CDH13: variants seen among roughly 807,000 people sequenced by gnomAD.
CDH13 encodes the protein cadherin 13, also known as cadherin-13.
CDH13 carries 24 observed loss-of-function variants against 63.8 expected under a neutral mutation model. That is an observed-to-expected ratio of 0.38 (90% CI 0.27 to 0.53). The LOEUF (loss-of-function observed/expected upper bound fraction) is 0.53, where lower values mean the gene tolerates loss of function less well. Ranked by LOEUF, CDH13 falls within the 20% of genes least tolerant of loss-of-function variation. The probability of loss-of-function intolerance (pLI) is 0.85; values close to 1 mark genes in which losing one functional copy is unlikely to be tolerated. For missense variants in CDH13, 1,049 were observed against 903.1 expected (o/e 1.16, Z -2.07); for synonymous variants, 503 against 355.3 (o/e 1.42, Z -4.67).
chr16:83,108,191 T>A (rs992941979), intron 3 of CDH13, among the ~76,000 whole-genome samples: 1 of 152,136 alleles, frequency 6.6e-6, no homozygotes, highest in Non-Finnish European at 1.5e-5. Context: ...GGTTGTGAAG[T>A]ATCCGCATGA....
At chr16:83,131,819 A>G (rs976265431) in intron 4 of CDH13, among the ~76,000 whole-genome samples, 23 of 152,242 alleles carry the variant, frequency 1.5e-4, no homozygotes, top group Non-Finnish European at 2.9e-4. Context: ...TTAGAAGGCC[A>G]TCTTTAACCC....
chr16:82,995,519 A>G (rs1912107153), intron 2 of CDH13, among the ~76,000 whole-genome samples: 1 of 152,186 alleles, frequency 6.6e-6, no homozygotes, highest in Non-Finnish European at 1.5e-5. Context: ...TGGCATGGCA[A>G]CAGGATGCAT....
rs61087222 is a variant in CDH13 at position 83,602,131 on chromosome 16, AAAAAAAAAAAAAC to A, written c.961-322_961-310del. ...ACAAAAAAAAAAAAAAAAAAAAAAA[AAAAAAAAAAAAAC>A]CCAAAGGACAATGTATACCCAAGCC... On this transcript the variant is annotated intron_variant, in intron 7 of 13. Transcript: ENST00000567109. Among the ~76,000 whole-genome samples, 84 of 100,608 alleles carry A rather than the reference AAAAAAAAAAAAAC, an allele frequency of 8.3e-4. 6 individuals are homozygous for A. Among genetic ancestry groups the A allele is most frequent in the African/African-American group, 3.7e-3 (80 of 21,642 alleles). The allele number at this position is 100,608 out of a possible 152,430, so 66.0% of individuals were successfully genotyped here. A position where few individuals can be genotyped will look rare whatever the true frequency, so the allele number is the denominator to read the frequency against.
intron 2 of CDH13, among the ~76,000 whole-genome samples, chr16:82,937,082 A>G (rs769138803): frequency 1.3e-5 from 2 of 152,194 alleles, no homozygotes; most frequent in African/African-American, 4.8e-5. Flanking sequence ...AGAGCTCTCC[A>G]TTCTGTTTTA....
In CDH13 at chr16:82,704,970, A is replaced by G. The variant is rs1418845350; in HGVS notation, c.45+77833A>G. The G allele has an allele frequency of 1.1e-5, 4 of 352,538 alleles. No individual in the cohort carries two copies. The Admixed American group carries it at 1.2e-4, about 10-fold the overall frequency. The allele number at this position is 352,538 out of a possible 1,614,324, so 21.8% of individuals were successfully genotyped here. ...ACACCTAAGGCAGACTTGGGAGACA[A>G]TGTCTCTTGCTGCTGCCTCATGAGG... On this transcript the variant is annotated intron_variant, in intron 1 of 13. Coordinates refer to ENST00000567109, the MANE Select transcript of CDH13 (RefSeq NM_001257.5).
intron 10 of CDH13, among the ~76,000 whole-genome samples, chr16:83,683,604 C>T (rs577696528): frequency 6.6e-6 from 1 of 152,292 alleles, no homozygotes; most frequent in East Asian, 1.9e-4. Flanking sequence ...ATATACTCAT[C>T]TGTTTATTTA....
intron 1 of CDH13, among the ~76,000 whole-genome samples, chr16:82,693,566 T>G (rs1030141053): frequency 6.6e-6 from 1 of 152,160 alleles, no homozygotes; most frequent in African/African-American, 2.4e-5. Context: ...TTTCCTACAT[T>G]AAACCCTGTA....
intron 1 of CDH13, among the ~76,000 whole-genome samples, chr16:82,853,842 G>A (rs748509007): frequency 2.6e-5 from 4 of 152,180 alleles, no homozygotes; most frequent in Admixed American, 6.5e-5. Flanking sequence ...TTGGAATGAT[G>A]CTCAGAGCAT....
At chr16:83,590,330 GAC>G (rs1906611475) in intron 7 of CDH13, among the ~76,000 whole-genome samples, 3 of 152,160 alleles carry the variant, frequency 2.0e-5, no homozygotes, top group Admixed American at 2.0e-4. Context: ...GAGAAAAGAG[GAC>G]AGACTCGAGA....
chr16:82,832,656 G>T (rs578148734), intron 1 of CDH13, among the ~76,000 whole-genome samples: 2,376 of 151,424 alleles, frequency 0.016, 32 homozygotes, highest in Middle Eastern at 0.024. Context: ...ACCCCAAAAT[G>T]AAACAAAACA....
At chr16:83,553,589 C>T (rs560995449) in intron 7 of CDH13, among the ~76,000 whole-genome samples, 1 of 152,254 alleles carries the variant, frequency 6.6e-6, no homozygotes, top group South Asian at 2.1e-4. Flanking sequence ...TGGAGTATCG[C>T]TCTGTCGCCC....
At chr16:83,191,489 GCACATAT>G (rs2038703760) in intron 4 of CDH13, among the ~76,000 whole-genome samples, 1 of 46,298 alleles carries the variant, frequency 2.2e-5, no homozygotes, top group Non-Finnish European at 4.4e-5. Flanking sequence ...ATATATATAT[GCACATAT>G]ATATATATAC....
At chr16:83,321,890 G>T (rs1487575099) in intron 5 of CDH13, among the ~76,000 whole-genome samples, 1 of 152,162 alleles carries the variant, frequency 6.6e-6, no homozygotes, top group African/African-American at 2.4e-5. Flanking sequence ...TTTTAAACAT[G>T]TGAGGACAAA....
At chr16:83,438,543 A>G (rs1025933756) in intron 6 of CDH13, among the ~76,000 whole-genome samples, 2 of 152,248 alleles carry the variant, frequency 1.3e-5, no homozygotes, top group African/African-American at 4.8e-5. Flanking sequence ...CTTTATTTCT[A>G]GTACAGCTGC....
chr16:83,026,320 G>A (rs1233858522), intron 2 of CDH13, among the ~76,000 whole-genome samples: 1 of 152,216 alleles, frequency 6.6e-6, no homozygotes, highest in African/African-American at 2.4e-5. Flanking sequence ...GAACAGATCA[G>A]AGAAGGTTCT....
At chr16:83,391,405 C>T (rs907397199) in intron 6 of CDH13, among the ~76,000 whole-genome samples, 3 of 152,066 alleles carry the variant, frequency 2.0e-5, no homozygotes, top group Non-Finnish European at 4.4e-5. Flanking sequence ...GGGGTTTCAC[C>T]ATGTTGGCCC....
chr16:83,492,988 A>C (rs929374934), intron 7 of CDH13, among the ~76,000 whole-genome samples: 1 of 152,166 alleles, frequency 6.6e-6, no homozygotes, highest in Non-Finnish European at 1.5e-5. Context: ...GGCCAAGGGC[A>C]TAGACTACCT....
chr16:82,713,665 C>T (rs957413785), intron 1 of CDH13, among the ~76,000 whole-genome samples: 2 of 152,168 alleles, frequency 1.3e-5, no homozygotes, highest in South Asian at 2.1e-4. Flanking sequence ...ATTAAAAAGC[C>T]AGCAAAAGCA....
At chr16:82,879,511 A>C (rs531910664) in intron 2 of CDH13, among the ~76,000 whole-genome samples, 1 of 144,222 alleles carries the variant, frequency 6.9e-6, no homozygotes, top group African/African-American at 2.5e-5. Context: ...TTTAATATAT[A>C]TTTATAGTAT....
Sources: gnomAD v4.1 joint callset for allele counts (sites outside exome capture counted in the v4.1 genomes callset) on GRCh38, gnomAD v4.1.1 for gene constraint, MANE v1.5 for transcripts, NCBI Gene and HGNC (gene_info 2026-07-23, HGNC 2026-07-21) for gene names.